The following SUPT3H variants were observed in gnomAD, a reference collection of about 807,000 sequenced individuals.
The protein encoded by SUPT3H is SPT3 homolog, SAGA and STAGA complex component.
In SUPT3H, 44 loss-of-function variants were observed where a neutral mutation model predicts 44.3. That is an observed-to-expected ratio of 0.99 (90% CI 0.78 to 1.28). The LOEUF is 1.28. Ranked by LOEUF, SUPT3H falls within the 50% of genes most tolerant of loss-of-function variation. The pLI is 0.00. For synonymous variants in SUPT3H, 124 were observed against 125.6 expected, an observed-to-expected ratio of 0.99 and a Z score of 0.09; for missense variants, 380 against 387.1, an observed-to-expected ratio of 0.98 and a Z score of 0.15.
intron 10 of SUPT3H, among the ~76,000 whole-genome samples, chr6:44,904,733 C>T (rs1355220580): frequency 6.6e-6 from 1 of 152,268 alleles, no homozygotes; most frequent in East Asian, 1.9e-4. Context: ...GCCAAAAGAA[C>T]AAAGTTGGAG....
At chr6:45,321,466 A>G (rs1584903404) in intron 2 of SUPT3H, among the ~76,000 whole-genome samples, 1 of 152,200 alleles carries the variant, frequency 6.6e-6, no homozygotes, top group African/African-American at 2.4e-5. Context: ...GTATTTAATT[A>G]AATTTTATTA....
chr6:45,182,162 G>A (rs911297624), intron 2 of SUPT3H, among the ~76,000 whole-genome samples: 2 of 152,066 alleles, frequency 1.3e-5, no homozygotes, highest in African/African-American at 2.4e-5. Flanking sequence ...AAATTCCAAC[G>A]TTTAGTGTTG....
At chr6:45,247,403 G>T (rs950003600) in intron 2 of SUPT3H, among the ~76,000 whole-genome samples, 18 of 152,012 alleles carry the variant, frequency 1.2e-4, no homozygotes, top group Non-Finnish European at 2.5e-4. Context: ...GCTTAATCTA[G>T]GTCTTTTGTA....
rs534423489 is a variant in SUPT3H, at chr6:45,284,121, C to A, written c.101+81080G>T. ...GTGTAGAGGGAAATTTAGAGCACTA[C>A]ATGCCCACAAGAGAAAGCAGGAAAG... is the stretch of plus-strand genomic sequence containing the variant. On this transcript the variant is annotated intron_variant, in intron 2 of 10. Coordinates refer to ENST00000371459, the MANE Select transcript of SUPT3H (RefSeq NM_003599.4). Among the ~76,000 whole-genome samples, 17 of 152,144 alleles carry A rather than the reference C, an allele frequency of 1.1e-4. No homozygotes were observed. In the East Asian group the frequency reaches 1.4e-3, roughly 12 times the overall value.
intron 10 of SUPT3H, among the ~76,000 whole-genome samples, chr6:44,900,843 G>A (rs1764898284): frequency 1.3e-5 from 2 of 152,134 alleles, no homozygotes; most frequent in Non-Finnish European, 2.9e-5. Flanking sequence ...GAACGATCAG[G>A]CAGCAACATT....
At chr6:45,120,228 T>C (rs1374111749) in intron 2 of SUPT3H, among the ~76,000 whole-genome samples, 1 of 151,914 alleles carries the variant, frequency 6.6e-6, no homozygotes, top group Non-Finnish European at 1.5e-5. Context: ...TCATAGAAAC[T>C]GAAGAGACTT....
intron 6 of SUPT3H, among the ~76,000 whole-genome samples, chr6:44,999,448 T>C (rs1441931254): frequency 6.6e-6 from 1 of 152,014 alleles, no homozygotes; most frequent in African/African-American, 2.4e-5. Context: ...TGAATCACTT[T>C]CTTCACTGAT....
At chr6:45,110,763 T>A (rs967122448) in intron 2 of SUPT3H, among the ~76,000 whole-genome samples, 2 of 152,174 alleles carry the variant, frequency 1.3e-5, no homozygotes, top group Admixed American at 1.3e-4. Context: ...CTGGACCCTA[T>A]GTAAATGCAT....
At chr6:45,024,672 A>G (rs1048178532) in intron 3 of SUPT3H, among the ~76,000 whole-genome samples, 2 of 152,016 alleles carry the variant, frequency 1.3e-5, no homozygotes, top group African/African-American at 4.8e-5. Flanking sequence ...ATTTGACTGG[A>G]CCGCGGGGTA....
At chr6:45,136,839 C>A (rs1389725749) in intron 2 of SUPT3H, among the ~76,000 whole-genome samples, 2 of 151,938 alleles carry the variant, frequency 1.3e-5, no homozygotes, top group Non-Finnish European at 2.9e-5. Flanking sequence ...ATAACAGAGT[C>A]TCAGAAGGAG....
rs553229185 is a variant in SUPT3H, at chr6:45,299,654, C to T, written c.101+65547G>A. Among the ~76,000 whole-genome samples, 160 of 151,426 alleles carry T rather than the reference C, an allele frequency of 1.1e-3. 1 individual carries two copies. The highest frequency in any genetic ancestry group is 4.0e-3 in the South Asian group (19 of 4,796). ...ATGGTAGCTAAAAAAATTAACAAGC[C>T]TATAATCCCAACACTTTGGGGAGGC... On this transcript the variant is annotated intron_variant, in intron 2 of 10. Transcript: ENST00000371459.
chr6:45,061,244 C>A (rs1282049728), intron 3 of SUPT3H, among the ~76,000 whole-genome samples: 1 of 152,134 alleles, frequency 6.6e-6, no homozygotes, highest in African/African-American at 2.4e-5. Context: ...GGTACATATA[C>A]ACCATGGAAT....
At chr6:45,147,107 T>A (rs1370460504) in intron 2 of SUPT3H, among the ~76,000 whole-genome samples, 1 of 152,138 alleles carries the variant, frequency 6.6e-6, no homozygotes, top group East Asian at 1.9e-4. Context: ...GTAAAGAAAC[T>A]GAGGCACTGA....
chr6:44,865,590 G>C (rs1388890881), intron 10 of SUPT3H, among the ~76,000 whole-genome samples: 2 of 152,006 alleles, frequency 1.3e-5, no homozygotes, highest in Non-Finnish European at 2.9e-5. Context: ...AAATGAAACA[G>C]GTTTTCCCTT....
chr6:45,075,454 A>G (rs1260918144), intron 3 of SUPT3H, among the ~76,000 whole-genome samples: 1 of 152,126 alleles, frequency 6.6e-6, no homozygotes, highest in Admixed American at 6.5e-5. Context: ...ATCATCTACA[A>G]AACAACCACT....
intron 6 of SUPT3H, among the ~76,000 whole-genome samples, chr6:44,973,784 G>A (rs4714829): frequency 0.12 from 18,332 of 152,152 alleles, 1,440 homozygotes; most frequent in East Asian, 0.27. Flanking sequence ...CATGGCAGAA[G>A]GGGAAGCAAA....
intron 3 of SUPT3H, among the ~76,000 whole-genome samples, chr6:45,025,388 G>A (rs1467338423): frequency 6.6e-6 from 1 of 152,154 alleles, no homozygotes; most frequent in Non-Finnish European, 1.5e-5. Flanking sequence ...CGTAGGTCCA[G>A]AACCATTGAC....
chr6:44,905,733 C>T (rs902230458), intron 10 of SUPT3H, among the ~76,000 whole-genome samples: 14 of 152,112 alleles, frequency 9.2e-5, no homozygotes, highest in South Asian at 2.1e-4. Flanking sequence ...ATGTTTATTG[C>T]GGCACTATTC....
intron 10 of SUPT3H, among the ~76,000 whole-genome samples, chr6:44,897,391 G>A (rs1156452952): frequency 6.6e-6 from 1 of 152,146 alleles, no homozygotes; most frequent in African/African-American, 2.4e-5. Flanking sequence ...AAAACTCTCT[G>A]AACTATGTTC....
Sources: gnomAD v4.1 joint callset for allele counts (sites outside exome capture counted in the v4.1 genomes callset) on GRCh38, gnomAD v4.1.1 for gene constraint, MANE v1.5 for transcripts, NCBI Gene and HGNC (gene_info 2026-07-23, HGNC 2026-07-21) for gene names.